The following MGST1 variants were observed in gnomAD, a reference collection of about 807,000 sequenced individuals.
The protein encoded by MGST1 is microsomal glutathione S-transferase 1.
In MGST1, 5 loss-of-function variants were observed where a neutral mutation model predicts 8.9. The ratio of observed to expected loss-of-function variants is 0.56; its 90% CI spans 0.29 to 1.19. The LOEUF is 1.19. MGST1 is among the 50% of genes most tolerant of loss of function. MGST1 has a pLI of 0.08. For missense variants in MGST1, 182 were observed against 187.4 expected (o/e 0.97, Z 0.17); for synonymous variants, 54 against 67.8 (o/e 0.80, Z 1.00).
At chr12:16,461,618 G>A (rs34399) in intron 4 of MGST1, among the ~76,000 whole-genome samples, 4,300 of 152,150 alleles carry the variant, frequency 0.028, 218 homozygotes, top group African/African-American at 0.098. Context: ...GAAGGGGTTC[G>A]AACCCATGAG....
intron 4 of MGST1, among the ~76,000 whole-genome samples, chr12:16,494,155 G>GA (rs1384201909): frequency 6.6e-6 from 1 of 152,114 alleles, no homozygotes; most frequent in East Asian, 1.9e-4. Flanking sequence ...GTGTGCTTCT[G>GA]AGAAGTATTG....
At chr12:16,493,835 C>T (rs1175387399) in intron 4 of MGST1, among the ~76,000 whole-genome samples, 1 of 152,148 alleles carries the variant, frequency 6.6e-6, no homozygotes, top group Non-Finnish European at 1.5e-5. Context: ...ATGGATAGGA[C>T]TCTTCTCTGA....
intron 1 of MGST1, among the ~76,000 whole-genome samples, chr12:16,430,962 A>G (rs559472790): frequency 6.6e-6 from 1 of 152,356 alleles, no homozygotes; most frequent in South Asian, 2.1e-4. Flanking sequence ...TACAGTAGCC[A>G]ACTTTATTAA....
At chr12:16,484,837 C>T (rs1941388600) in intron 4 of MGST1, among the ~76,000 whole-genome samples, 1 of 152,192 alleles carries the variant, frequency 6.6e-6, no homozygotes, top group African/African-American at 2.4e-5. Flanking sequence ...AACCATATCA[C>T]TTTCCAGTGA....
intron 4 of MGST1, among the ~76,000 whole-genome samples, chr12:16,510,495 T>C (rs1290239014): frequency 6.6e-6 from 1 of 152,220 alleles, no homozygotes; most frequent in Non-Finnish European, 1.5e-5. Context: ...TATTGAGTTA[T>C]ATTTGTCTTT....
At chr12:16,372,634 T>C (rs1057078889) in intron 3 of MGST1, among the ~76,000 whole-genome samples, 5 of 151,908 alleles carry the variant, frequency 3.3e-5, no homozygotes, top group African/African-American at 9.7e-5. Context: ...TCTCAAAGAA[T>C]TAAAAATAGA....
At chr12:16,514,692 G>A (rs1591749285) in intron 4 of MGST1, among the ~76,000 whole-genome samples, 1 of 151,396 alleles carries the variant, frequency 6.6e-6, no homozygotes, top group Non-Finnish European at 1.5e-5. Context: ...CAAGGAACCA[G>A]AGACAACCTT....
At position 16,537,448 on chromosome 12, in the gene MGST1, C is replaced by T. The variant is rs149101243; in HGVS notation, n.483-52080C>T. ...GGATCTGGAGCATGGTGGCCCTCTT[C>T]TCACAGCTCCACTAGGAGGTGCCCC... On this transcript the variant is annotated intron_variant and non_coding_transcript_variant, in intron 4 of 4. Coordinates refer to the MGST1 transcript ENST00000538857. The surrounding 1 kb of genome is among the most constrained non-coding windows in gnomAD (Gnocchi z 4.6). Among the ~76,000 whole-genome samples the T allele has an allele frequency of 3.6e-3, 547 of 152,306 alleles. 4 individuals are homozygous for T. Among genetic ancestry groups the T allele is most frequent in the Admixed American group, 6.9e-3 (106 of 15,302 alleles).
At chr12:16,485,464 C>T (rs927346677) in intron 4 of MGST1, among the ~76,000 whole-genome samples, 1 of 152,138 alleles carries the variant, frequency 6.6e-6, no homozygotes, top group Non-Finnish European at 1.5e-5. Context: ...AAAGATTTGA[C>T]CATATTGGGA....
chr12:16,399,367 C>T, intron 1 of MGST1: 2 of 1,527,774 alleles, frequency 1.3e-6, no homozygotes, highest in Non-Finnish European at 1.8e-6. Flanking sequence ...TGCACAGATG[C>T]CTTCCTCTTC....
intron 4 of MGST1, among the ~76,000 whole-genome samples, chr12:16,483,661 G>C (rs192237174): frequency 6.4e-4 from 97 of 152,152 alleles, no homozygotes; most frequent in African/African-American, 2.3e-3. Flanking sequence ...CAGTAATATA[G>C]AACCATTTTA....
chr12:16,527,245 T>A (rs73052231), intron 4 of MGST1, among the ~76,000 whole-genome samples: 5,878 of 152,062 alleles, frequency 0.039, 163 homozygotes, highest in South Asian at 0.067. Flanking sequence ...TTCAAAAGTA[T>A]ACCAAAAAAG....
chr12:16,498,474 A>T (rs765029861), intron 4 of MGST1, among the ~76,000 whole-genome samples: 2 of 152,198 alleles, frequency 1.3e-5, no homozygotes, highest in Non-Finnish European at 2.9e-5. Context: ...AACTCAGTCC[A>T]GGCCATGTTC....
chr12:16,422,627 C>T (rs768371301), intron 1 of MGST1, among the ~76,000 whole-genome samples: 5 of 152,106 alleles, frequency 3.3e-5, no homozygotes, highest in Non-Finnish European at 4.4e-5. Flanking sequence ...TGTACTGTAT[C>T]CTTTAGATTT....
At chr12:16,421,596 C>T (rs1940836554) in intron 1 of MGST1, among the ~76,000 whole-genome samples, 1 of 152,106 alleles carries the variant, frequency 6.6e-6, no homozygotes, top group East Asian at 1.9e-4. Context: ...TAATTCTTAC[C>T]TCACTTTTGC....
chr12:16,451,872 A>T (rs1477350791), intron 4 of MGST1, among the ~76,000 whole-genome samples: 1 of 151,834 alleles, frequency 6.6e-6, no homozygotes, highest in African/African-American at 2.4e-5. Context: ...TTTGCCTAGT[A>T]TTTATGTTTT....
chr12:16,458,908 G>A lies in MGST1; in HGVS notation n.482+75304G>A, dbSNP rs1941198612. ...AAAGCTATATGACCTATCCTGCTGA[G>A]CTGAGAGCAGGGAATTCTTACAGAA... On this transcript the variant is annotated intron_variant and non_coding_transcript_variant, in intron 4 of 4. Transcript: ENST00000538857. The surrounding 1 kb of genome is among the most constrained non-coding windows in gnomAD (Gnocchi z 4.0). Among the ~76,000 whole-genome samples the A allele has an allele frequency of 6.6e-6, 1 of 152,030 alleles. No homozygotes were observed. The highest frequency in any genetic ancestry group is 2.1e-4 in the South Asian group (1 of 4,822).
chr12:16,410,601 TTATA>T lies in MGST1; in HGVS notation n.779-26783_779-26780del, dbSNP rs1185958593. Among the ~76,000 whole-genome samples the T allele has an allele frequency of 2.0e-5, 3 of 148,282 alleles. No individual in the cohort carries two copies. The highest frequency in any genetic ancestry group is 2.1e-4 in the South Asian group (1 of 4,778). On this transcript the variant is annotated intron_variant and non_coding_transcript_variant, in intron 1 of 1. Transcript: ENST00000359720. This position sits in a 1 kb window ranked among gnomAD's most constrained non-coding sequence, Gnocchi z 4.4. ...TATTTTTACACATACATATTAATGT[TTATA>T]TATTACATATAAATATTAATATATG...
intron 2 of MGST1, 157 bp from the exon 3 acceptor site, chr12:16,357,448 T>C (rs1017833942): frequency 3.0e-5 from 17 of 568,868 alleles, no homozygotes; most frequent in Non-Finnish European, 4.9e-5. Flanking sequence ...TTAAAAAAAT[T>C]TGTAGATATG....
Sources: gnomAD v4.1 joint callset for allele counts (sites outside exome capture counted in the v4.1 genomes callset) on GRCh38, gnomAD v4.1.1 for gene constraint, Gnocchi (gnomAD v3.1) non-coding constraint, MANE v1.5 for transcripts, NCBI Gene and HGNC (gene_info 2026-07-23, HGNC 2026-07-21) for gene names.